The following SEMA6D variants were observed in gnomAD, a reference collection of about 807,000 sequenced individuals.
SEMA6D encodes the protein semaphorin-6D.
A neutral mutation model predicts 106.6 loss-of-function variants in SEMA6D; 35 were observed. That is an observed-to-expected ratio of 0.33 (90% CI 0.25 to 0.44). The LOEUF (loss-of-function observed/expected upper bound fraction) is 0.44. SEMA6D is among the 20% of genes least tolerant of loss of function. The pLI, the probability that SEMA6D is intolerant of heterozygous loss-of-function variation, is 1.00. For synonymous variants in SEMA6D, 499 were observed against 487.7 expected, an observed-to-expected ratio of 1.02 and a Z score of -0.31; for missense variants, 1,185 against 1,345.9, an observed-to-expected ratio of 0.88 and a Z score of 1.87.
chr15:47,756,360 A>G (rs1194193544), intron 1 of SEMA6D, among the ~76,000 whole-genome samples: 1 of 152,022 alleles, frequency 6.6e-6, no homozygotes, highest in Non-Finnish European at 1.5e-5. Context: ...CCTTTTTGCC[A>G]GACAAGACGT....
chr15:47,727,561 C>T (rs1005962133), intron 1 of SEMA6D, among the ~76,000 whole-genome samples: 4 of 152,154 alleles, frequency 2.6e-5, no homozygotes, highest in African/African-American at 9.7e-5. Context: ...CTCTTGCCTA[C>T]GGCACGAAGA....
At chr15:47,690,410 A>C (rs2078561149) in intron 4 of SEMA6D, among the ~76,000 whole-genome samples, 1 of 152,158 alleles carries the variant, frequency 6.6e-6, no homozygotes, top group African/African-American at 2.4e-5. Flanking sequence ...ATTAGCATCC[A>C]CTTCCTTTCT....
chr15:47,227,585 A>T (rs1172048062), intron 1 of SEMA6D, among the ~76,000 whole-genome samples: 1 of 148,238 alleles, frequency 6.7e-6, no homozygotes, highest in Non-Finnish European at 1.5e-5. Context: ...ACACACACAC[A>T]CACACACACA....
At chr15:47,329,681 T>C (rs1244164200) in intron 1 of SEMA6D, among the ~76,000 whole-genome samples, 1 of 152,186 alleles carries the variant, frequency 6.6e-6, no homozygotes, top group Non-Finnish European at 1.5e-5. Flanking sequence ...AGGAATGGTC[T>C]TCAGACCTGC....
At chr15:47,236,426 T>C (rs939789908) in intron 1 of SEMA6D, among the ~76,000 whole-genome samples, 10 of 152,158 alleles carry the variant, frequency 6.6e-5, no homozygotes, top group Non-Finnish European at 1.2e-4. Flanking sequence ...TTATGACTCA[T>C]AGCATTTTAT....
Position 47,269,352 on chromosome 15 carries a change from CA to C in SEMA6D, c.-239+84936del, listed in dbSNP as rs1182981790. ...CAATTCTTATTTAGAATTTAAATAA[CA>C]ATGTAGCTCATTAAAAAAAAAAGAA... On this transcript the variant is annotated intron_variant, in intron 1 of 19. Coordinates refer to the SEMA6D transcript ENST00000558014. Among the ~76,000 whole-genome samples, 19 of 150,796 alleles carry C rather than the reference CA, an allele frequency of 1.3e-4. No individual in the cohort carries two copies. In the East Asian group the frequency reaches 3.7e-3, roughly 29 times the overall value.
chr15:47,729,975 A>G (rs926487746), intron 1 of SEMA6D, among the ~76,000 whole-genome samples: 10 of 152,190 alleles, frequency 6.6e-5, no homozygotes, highest in African/African-American at 2.2e-4. Flanking sequence ...AGAGGTGGTG[A>G]TGGGCGGGAG....
intron 4 of SEMA6D, among the ~76,000 whole-genome samples, chr15:47,632,166 A>G (rs2144530066): frequency 6.6e-6 from 1 of 152,104 alleles, no homozygotes; most frequent in South Asian, 2.1e-4. Flanking sequence ...GTCAGAGAAC[A>G]CACTCTGTAT....
intron 1 of SEMA6D, among the ~76,000 whole-genome samples, chr15:47,310,736 C>A (rs2036416394): frequency 6.6e-6 from 1 of 152,044 alleles, no homozygotes. Context: ...AAAACTACAG[C>A]CATATACAGC....
intron 4 of SEMA6D, among the ~76,000 whole-genome samples, chr15:47,627,609 A>C (rs769321926): frequency 6.6e-6 from 1 of 152,162 alleles, no homozygotes; most frequent in Non-Finnish European, 1.5e-5. Context: ...TCTCACTTGC[A>C]TTTGATTATT....
chr15:47,190,126 G>A (rs1055856718), intron 1 of SEMA6D, among the ~76,000 whole-genome samples: 1 of 152,124 alleles, frequency 6.6e-6, no homozygotes, highest in Non-Finnish European at 1.5e-5. Flanking sequence ...TCAGAAATAA[G>A]CTAGCTAAGG....
chr15:47,474,437 G>A (rs548401383), intron 3 of SEMA6D, among the ~76,000 whole-genome samples: 1 of 152,034 alleles, frequency 6.6e-6, no homozygotes, highest in Non-Finnish European at 1.5e-5. Flanking sequence ...TTATTTCTAG[G>A]CAATGAAAAC....
chr15:47,246,604 A>G (rs888797296), intron 1 of SEMA6D, among the ~76,000 whole-genome samples: 3 of 152,124 alleles, frequency 2.0e-5, no homozygotes, highest in South Asian at 4.1e-4. Flanking sequence ...GTAGCCAGCA[A>G]TGCAATAGAG....
intron 4 of SEMA6D, among the ~76,000 whole-genome samples, chr15:47,610,810 C>G (rs561372245): frequency 6.6e-6 from 1 of 152,254 alleles, no homozygotes; most frequent in South Asian, 2.1e-4. Flanking sequence ...AAATGCCCAA[C>G]ATGATTGTTT....
intron 1 of SEMA6D, among the ~76,000 whole-genome samples, chr15:47,742,444 C>T (rs1567058031): frequency 6.6e-6 from 1 of 152,146 alleles, no homozygotes; most frequent in Non-Finnish European, 1.5e-5. Flanking sequence ...CCTCCGTTCC[C>T]TCTTCTCCCT....
rs1212371535 is a variant in SEMA6D, at chr15:47,523,749, TCTC to T, written c.-87+53208_-87+53210del. ...GTCACCCCTTCTGTGATGACTGTCA[TCTC>T]CTCTAAGTGTAAAAGGAGCCAGAAT... On this transcript the variant is annotated intron_variant, in intron 3 of 19. Transcript: ENST00000558014. Among the ~76,000 whole-genome samples the T allele has an allele frequency of 2.0e-5, 3 of 152,206 alleles. No homozygotes were observed. The South Asian group carries it at 6.2e-4, about 32-fold the overall frequency.
intron 1 of SEMA6D, among the ~76,000 whole-genome samples, chr15:47,226,739 G>A (rs1367639745): frequency 1.3e-5 from 2 of 151,938 alleles, no homozygotes; most frequent in African/African-American, 4.8e-5. Context: ...GCCTGCTTGC[G>A]AAGAAGCCAC....
intron 1 of SEMA6D, among the ~76,000 whole-genome samples, chr15:47,275,751 A>G (rs893303964): frequency 2.6e-5 from 4 of 152,140 alleles, no homozygotes; most frequent in Admixed American, 2.0e-4. Context: ...GCCTCTAAGT[A>G]TTCAAGTGAT....
intron 3 of SEMA6D, among the ~76,000 whole-genome samples, chr15:47,497,901 A>G (rs1446910251): frequency 1.3e-5 from 2 of 152,052 alleles, no homozygotes; most frequent in East Asian, 1.9e-4. Flanking sequence ...CTACTTCTGC[A>G]GAGTTACCTT....
Sources: allele counts gnomAD v4.1 joint callset (sites outside exome capture counted in the v4.1 genomes callset), GRCh38; gene constraint gnomAD v4.1.1; transcripts MANE v1.5; gene names NCBI Gene and HGNC (gene_info 2026-07-23, HGNC 2026-07-21).